Variants in RBFOX1 observed in about 807,000 individuals in gnomAD.
RBFOX1 encodes RNA binding protein fox-1 homolog 1.
A neutral mutation model predicts 57.7 loss-of-function variants in RBFOX1; 8 were observed. That is an observed-to-expected ratio of 0.14 (90% confidence interval 0.08 to 0.25). The LOEUF is 0.25. RBFOX1 is among the 10% of genes least tolerant of loss of function. RBFOX1 has a pLI of 1.00. For missense variants in RBFOX1, 611 were observed against 548.5 expected (o/e 1.11, Z -1.14); for synonymous variants, 326 against 222.4 (o/e 1.47, Z -4.15).
rs550589878 is a variant in RBFOX1 at position 5,283,374 on chromosome 16, C to T, written c.219+43269C>T. Among the ~76,000 whole-genome samples the T allele has an allele frequency of 2.6e-5, 4 of 151,716 alleles. No homozygotes were observed. The East Asian group carries it at 7.9e-4, about 30-fold the overall frequency. ...GAGAAGAGGGCCACCATCCTCCAGA[C>T]CCCAGAATGGTGGATTCACTGACAG... On this transcript the variant is annotated intron_variant, in intron 1 of 2. Coordinates refer to the RBFOX1 transcript ENST00000585867.
At chr16:7,008,011 C>T (rs2093401574) in intron 3 of RBFOX1, among the ~76,000 whole-genome samples, 1 of 152,266 alleles carries the variant, frequency 6.6e-6, no homozygotes. Context: ...TAATGTTGGG[C>T]ATTGTGTCTC....
intron 10 of RBFOX1, among the ~76,000 whole-genome samples, chr16:7,624,131 G>A (rs544172293): frequency 1.3e-5 from 2 of 152,332 alleles, no homozygotes; most frequent in Middle Eastern, 3.4e-3. Flanking sequence ...TGTAATGCCA[G>A]TAAAGGAGGA....
At chr16:7,567,158 T>A (rs947472424) in intron 5 of RBFOX1, among the ~76,000 whole-genome samples, 1 of 146,806 alleles carries the variant, frequency 6.8e-6, no homozygotes, top group African/African-American at 2.5e-5. Flanking sequence ...TCCCTATATA[T>A]ATATCCATAT....
At chr16:7,055,551 T>G (rs1369573249) in intron 4 of RBFOX1, among the ~76,000 whole-genome samples, 1 of 152,110 alleles carries the variant, frequency 6.6e-6, no homozygotes, top group Non-Finnish European at 1.5e-5. Context: ...AAGAGGAGTT[T>G]CTCCTTCACA....
At chr16:6,051,035 G>T (rs2095546789) in intron 1 of RBFOX1, among the ~76,000 whole-genome samples, 1 of 147,602 alleles carries the variant, frequency 6.8e-6, no homozygotes, top group East Asian at 2.0e-4. Context: ...TTGTATATTT[G>T]CTACCCCACA....
At chr16:6,975,311 G>A (rs1009063747) in intron 3 of RBFOX1, among the ~76,000 whole-genome samples, 1 of 151,984 alleles carries the variant, frequency 6.6e-6, no homozygotes, top group Admixed American at 6.6e-5. Context: ...TGTCACCCAG[G>A]CTGGAGTGCA....
At chr16:5,931,063 T>C (rs1399711512) in intron 4 of RBFOX1, among the ~76,000 whole-genome samples, 2 of 152,096 alleles carry the variant, frequency 1.3e-5, no homozygotes, top group Non-Finnish European at 2.9e-5. Context: ...GTAGTCTAAC[T>C]TCAGGCTCAG....
At chr16:6,193,947 C>A (rs1260359883) in intron 1 of RBFOX1, among the ~76,000 whole-genome samples, 1 of 152,168 alleles carries the variant, frequency 6.6e-6, no homozygotes, top group Non-Finnish European at 1.5e-5. Flanking sequence ...CTGACCTCCG[C>A]CTCTTGGCTT....
At chr16:5,455,201 C>A (rs1037692325) in intron 1 of RBFOX1, among the ~76,000 whole-genome samples, 1 of 151,884 alleles carries the variant, frequency 6.6e-6, no homozygotes, top group Non-Finnish European at 1.5e-5. Flanking sequence ...GACTTGAAGA[C>A]TAGGCCCAGC....
At chr16:5,474,331 T>C (rs2069242929) in intron 2 of RBFOX1, among the ~76,000 whole-genome samples, 1 of 152,180 alleles carries the variant, frequency 6.6e-6, no homozygotes, top group Admixed American at 6.5e-5. Context: ...CGTTAAAGCT[T>C]AACTTGTTCA....
intron 4 of RBFOX1, among the ~76,000 whole-genome samples, chr16:5,984,524 T>A (rs2060243382): frequency 1.3e-5 from 2 of 152,016 alleles, no homozygotes; most frequent in African/African-American, 4.8e-5. Context: ...TGCAAAAGGT[T>A]TCATTGACAG....
Position 5,635,107 on chromosome 16 carries a change from C to T in RBFOX1, c.318+36146C>T, listed in dbSNP as rs148974239. ...CCAAATGGGAACTAATACAGTGTAT[C>T]ACTGAACTACACTGCTCCTCCTCAT... On this transcript the variant is annotated intron_variant, in intron 3 of 19. Transcript: ENST00000641259. 7.1e-4 allele frequency among the ~76,000 whole-genome samples: 108 copies of T among 152,290 alleles called. 1 individual carries two copies. The highest frequency in any genetic ancestry group is 2.5e-3 in the African/African-American group (102 of 41,530).
At chr16:7,591,236 G>A (rs114988344) in intron 7 of RBFOX1, among the ~76,000 whole-genome samples, 338 of 152,278 alleles carry the variant, frequency 2.2e-3, no homozygotes, top group African/African-American at 7.2e-3. Context: ...AAAGTGAGAT[G>A]AGAGGGCTCA....
chr16:6,655,830 C>T (rs187293405), intron 3 of RBFOX1, among the ~76,000 whole-genome samples: 134 of 152,282 alleles, frequency 8.8e-4, no homozygotes, highest in African/African-American at 2.8e-3. Flanking sequence ...CAGAGGTTTT[C>T]AGCTCTGATT....
chr16:5,513,479 T>G (rs1011026031), intron 2 of RBFOX1, among the ~76,000 whole-genome samples: 1 of 152,206 alleles, frequency 6.6e-6, no homozygotes, highest in Non-Finnish European at 1.5e-5. Flanking sequence ...GTAAATTTGC[T>G]CTTCACACAC....
At chr16:7,446,421 A>G (rs2150057235) in intron 4 of RBFOX1, among the ~76,000 whole-genome samples, 1 of 152,314 alleles carries the variant, frequency 6.6e-6, no homozygotes, top group Middle Eastern at 3.4e-3. Flanking sequence ...ATAACTAGAC[A>G]ATTATTTTCA....
chr16:7,708,750 C>G (rs747343391), intron 14 of RBFOX1, among the ~76,000 whole-genome samples: 1 of 152,170 alleles, frequency 6.6e-6, no homozygotes, highest in Non-Finnish European at 1.5e-5. Flanking sequence ...CTACCTCAGT[C>G]TCTAAGGCAG....
chr16:7,094,692 G>A (rs1005958771), intron 4 of RBFOX1, among the ~76,000 whole-genome samples: 2 of 148,720 alleles, frequency 1.3e-5, no homozygotes, highest in East Asian at 4.0e-4. Context: ...GTTAGTGGTT[G>A]GGTGGTATGG....
intron 4 of RBFOX1, among the ~76,000 whole-genome samples, chr16:7,458,545 A>G (rs1425410617): frequency 6.6e-6 from 1 of 152,200 alleles, no homozygotes; most frequent in African/African-American, 2.4e-5. Flanking sequence ...GGAAAAAAAC[A>G]TTGACTTCTC....
Sources: gnomAD v4.1 joint callset for allele counts (sites outside exome capture counted in the v4.1 genomes callset) on GRCh38, gnomAD v4.1.1 for gene constraint, MANE v1.5 for transcripts, NCBI Gene and HGNC (gene_info 2026-07-23, HGNC 2026-07-21) for gene names.